HIVEP2: variants seen among roughly 807,000 people sequenced by gnomAD.
HIVEP2 encodes the protein transcription factor HIVEP2.
A neutral mutation model predicts 180.7 loss-of-function variants in HIVEP2; 14 were observed. The ratio of observed to expected loss-of-function variants is 0.08; its 90% CI spans 0.05 to 0.12. The LOEUF (loss-of-function observed/expected upper bound fraction) is 0.12, where lower values mean the gene tolerates loss of function less well. Ranked by LOEUF, HIVEP2 falls within the 10% of genes least tolerant of loss-of-function variation. The pLI is 1.00. For synonymous variants in HIVEP2, 1,184 were observed against 1,136.4 expected, an observed-to-expected ratio of 1.04 and a Z score of -0.84; for missense variants, 2,579 against 3,008.5, an observed-to-expected ratio of 0.86 and a Z score of 3.34.
intron 3 of HIVEP2, among the ~76,000 whole-genome samples, chr6:142,783,225 G>T (rs1395869502): frequency 6.6e-6 from 1 of 150,724 alleles, no homozygotes; most frequent in East Asian, 1.9e-4. Context: ...CTACTTGGGA[G>T]GCTGAGGCAG....
chr6:142,837,100 G>T (rs913491041), intron 1 of HIVEP2, 53 bp from the exon 2 acceptor site: 2 of 152,076 alleles, frequency 1.3e-5, no homozygotes, highest in African/African-American at 4.8e-5. Flanking sequence ...GATTATAGGA[G>T]CTATACATTA....
intron 1 of HIVEP2, among the ~76,000 whole-genome samples, chr6:142,872,502 C>T (rs1776316394): frequency 6.6e-6 from 1 of 152,164 alleles, no homozygotes. Flanking sequence ...TCTTTTTCTG[C>T]TCCAGCAAAT....
intron 1 of HIVEP2, among the ~76,000 whole-genome samples, chr6:142,872,514 G>A (rs539408112): frequency 2.6e-5 from 4 of 152,242 alleles, no homozygotes; most frequent in Admixed American, 2.6e-4. Context: ...CCAGCAAATG[G>A]TTGGAGCAAA....
Position 142,777,648 on chromosome 6 carries a change from C to CAAAA in HIVEP2, c.-432-1461_-432-1458dup, listed in dbSNP as rs58304452. Among the ~76,000 whole-genome samples the CAAAA allele has an allele frequency of 4.7e-4, 13 of 27,708 alleles. 2 individuals carry two copies. Among genetic ancestry groups the CAAAA allele is most frequent in the Admixed American group, 1.6e-3 (2 of 1,246 alleles). 18.2% of individuals were successfully genotyped at this position (27,708 alleles called of 152,430 possible). ...GGGCAACAAGAGCAAAACTCCATCT[C>CAAAA]AAAAAAAAAAAAAAAAAAAAAAAAA... On this transcript the variant is annotated intron_variant, in intron 3 of 9. Coordinates refer to ENST00000367603, the MANE Select transcript of HIVEP2 (RefSeq NM_006734.4).
At chr6:142,829,550 GT>G (rs1775018363) in intron 2 of HIVEP2, among the ~76,000 whole-genome samples, 1 of 152,178 alleles carries the variant, frequency 6.6e-6, no homozygotes, top group South Asian at 2.1e-4. Flanking sequence ...AGTCAGGTAT[GT>G]ACTAGTCCGA....
intron 2 of HIVEP2, among the ~76,000 whole-genome samples, chr6:142,811,493 G>C (rs1195677408): frequency 1.3e-5 from 2 of 152,030 alleles, no homozygotes; most frequent in Admixed American, 6.5e-5. Flanking sequence ...TGCATGTCAC[G>C]AGTGTTTCCC....
intron 1 of HIVEP2, among the ~76,000 whole-genome samples, chr6:142,909,158 A>G (rs1408664453): frequency 6.6e-6 from 1 of 152,142 alleles, no homozygotes; most frequent in Non-Finnish European, 1.5e-5. Context: ...ATGCTGAAAT[A>G]CCTATTTTAA....
intron 6 of HIVEP2, among the ~76,000 whole-genome samples, chr6:142,766,442 C>T (rs1775381511): frequency 6.6e-6 from 1 of 152,102 alleles, no homozygotes; most frequent in African/African-American, 2.4e-5. Flanking sequence ...ATGTCTTTCA[C>T]CTTTAAATTT....
chr6:142,866,301 A>C (rs1582925394), intron 1 of HIVEP2, among the ~76,000 whole-genome samples: 1 of 152,182 alleles, frequency 6.6e-6, no homozygotes, highest in Non-Finnish European at 1.5e-5. Context: ...AAGTTAATAC[A>C]CAGAAAGCAT....
chr6:142,904,803 T>A (rs1203365994), intron 1 of HIVEP2, among the ~76,000 whole-genome samples: 1 of 152,188 alleles, frequency 6.6e-6, no homozygotes, highest in Non-Finnish European at 1.5e-5. Flanking sequence ...TTTTCATTTA[T>A]CCCGAAGATC....
chr6:142,936,731 A>C (rs1033730962), intron 1 of HIVEP2, among the ~76,000 whole-genome samples: 4 of 152,166 alleles, frequency 2.6e-5, no homozygotes, highest in African/African-American at 9.7e-5. Context: ...AAAAGCAGAG[A>C]TCCTGTAAAC....
In HIVEP2 at chr6:142,773,656, A is replaced by G. The variant is rs762361286; in HGVS notation, c.1083T>C (p.Asp361=). The G allele has an allele frequency of 1.9e-6, 3 of 1,614,036 alleles. No individual in the cohort carries two copies. The African/African-American group carries it at 4.0e-5, about 22-fold the overall frequency. Residue 361 remains aspartate, a synonymous_variant, in exon 5 of 10, where the codon GAT becomes GAC. Coordinates refer to ENST00000367603, the MANE Select transcript of HIVEP2 (RefSeq NM_006734.4). ...CAAGTTTCTGTTTGACTGTGTGCGA[A>G]TCATCAGCCTTAGTATTTAAAGATG... is the stretch of plus-strand genomic sequence containing the variant. The part of the protein sequence containing the change: ...PNPSLNTKAD[D]SHTVKQKLAL...
chr6:142,771,236 C>CTCAAAGATT lies in HIVEP2; in HGVS notation c.3494_3502dup (p.Leu1167_Arg1168insLysSerLeu), dbSNP rs755859658. 5.6e-6 allele frequency: 9 copies of CTCAAAGATT among 1,614,008 alleles called. No homozygotes were observed. Among genetic ancestry groups the CTCAAAGATT allele is most frequent in the Non-Finnish European group, 7.6e-6 (9 of 1,180,042 alleles). On this transcript the variant is annotated inframe_insertion, in exon 5 of 10. Coordinates refer to ENST00000367603, the MANE Select transcript of HIVEP2 (RefSeq NM_006734.4). This position sits in a 1 kb window ranked among gnomAD's most constrained non-coding sequence, Gnocchi z 5.4. ...GGATGTTGGTTGGATCAAGGGATTT[C>CTCAAAGATT]TCAAAGATTCCTGACTGTCCATGTG... is the stretch of plus-strand genomic sequence containing the variant.
At chr6:142,918,940 T>C (rs1038414820) in intron 1 of HIVEP2, among the ~76,000 whole-genome samples, 1 of 152,244 alleles carries the variant, frequency 6.6e-6, no homozygotes, top group African/African-American at 2.4e-5. Flanking sequence ...TTCTTTATAA[T>C]ACATAATTCC....
At position 142,894,848 on chromosome 6, in the gene HIVEP2, A is replaced by G. The variant is rs544310452; in HGVS notation, c.-641+50251T>C. Among the ~76,000 whole-genome samples, 3 of 152,292 alleles carry G rather than the reference A, an allele frequency of 2.0e-5. No individual in the cohort carries two copies. In the South Asian group the frequency reaches 6.2e-4, roughly 32 times the overall value. On this transcript the variant is annotated intron_variant, in intron 1 of 9. Coordinates refer to ENST00000367603, the MANE Select transcript of HIVEP2 (RefSeq NM_006734.4). ...CACAGCATGTGTTCAGAACCACTCC[A>G]CTACACTGTCCCCACTGATAATATG...
chr6:142,799,771 G>A (rs929897783), intron 2 of HIVEP2, among the ~76,000 whole-genome samples: 62 of 152,248 alleles, frequency 4.1e-4, no homozygotes, highest in African/African-American at 1.4e-3. Context: ...AACAGCAGGG[G>A]AGCCTCTGGG....
intron 1 of HIVEP2, among the ~76,000 whole-genome samples, chr6:142,927,282 C>G (rs1351752441): frequency 6.6e-6 from 1 of 152,216 alleles, no homozygotes; most frequent in Non-Finnish European, 1.5e-5. Flanking sequence ...GGCGCACTTT[C>G]CTCAGCGTAA....
At chr6:142,809,670 T>G (rs1776640584) in intron 2 of HIVEP2, among the ~76,000 whole-genome samples, 1 of 152,190 alleles carries the variant, frequency 6.6e-6, no homozygotes, top group African/African-American at 2.4e-5. Flanking sequence ...CTCAGCTCAC[T>G]GTAACCTCTG....
intron 1 of HIVEP2, among the ~76,000 whole-genome samples, chr6:142,851,732 C>T (rs1202370699): frequency 6.6e-6 from 1 of 152,208 alleles, no homozygotes; most frequent in Non-Finnish European, 1.5e-5. Flanking sequence ...AATATCCTGC[C>T]ATGACTGGCA....
Sources: gnomAD v4.1 joint callset for allele counts (sites outside exome capture counted in the v4.1 genomes callset) on GRCh38, gnomAD v4.1.1 for gene constraint, Gnocchi (gnomAD v3.1) non-coding constraint, MANE v1.5 for transcripts, NCBI Gene and HGNC (gene_info 2026-07-23, HGNC 2026-07-21) for gene names.